Variants in OTOA observed in about 807,000 individuals in gnomAD.
OTOA encodes cancer/testis antigen 108.
Under a neutral mutation model 110.8 loss-of-function variants are expected in OTOA, and 70 were observed. The observed-to-expected ratio is 0.63, with a 90% CI of 0.52 to 0.77. The LOEUF (loss-of-function observed/expected upper bound fraction) is 0.77. OTOA is among the 30% of genes least tolerant of loss of function. The pLI, the probability that OTOA is intolerant of heterozygous loss-of-function variation, is 0.00. For missense variants in OTOA, 917 were observed against 1,075.8 expected, an observed-to-expected ratio of 0.85 and a Z score of 2.06; for synonymous variants, 373 against 431.5, an observed-to-expected ratio of 0.86 and a Z score of 1.68.
At chr16:21,680,318 C>T (rs2141654129) in intron 5 of OTOA, among the ~76,000 whole-genome samples, 1 of 152,070 alleles carries the variant, frequency 6.6e-6, no homozygotes, top group African/African-American at 2.4e-5. Context: ...TCGGGACCAG[C>T]CTGGCCAACA....
chr16:21,686,752 G>A (rs895344858), intron 7 of OTOA, among the ~76,000 whole-genome samples: 3 of 152,110 alleles, frequency 2.0e-5, no homozygotes, highest in African/African-American at 7.2e-5. Context: ...AAACAGCTGA[G>A]CATGGTGGTG....
intron 1 of OTOA, among the ~76,000 whole-genome samples, chr16:21,674,650 T>A (rs1423966681): frequency 2.0e-5 from 3 of 151,864 alleles, no homozygotes; most frequent in African/African-American, 7.2e-5. Context: ...TGGTTTTTTT[T>A]TTTTTATTTT....
intron 9 of OTOA, among the ~76,000 whole-genome samples, chr16:21,692,935 A>AG (rs1897861324): frequency 6.7e-6 from 1 of 149,852 alleles, no homozygotes; most frequent in Admixed American, 6.7e-5. Flanking sequence ...CTCAAAAAAA[A>AG]AAAAAAAAAA....
chr16:21,670,966 GC>G (rs1373272312), intron 1 of OTOA, among the ~76,000 whole-genome samples: 1 of 152,102 alleles, frequency 6.6e-6, no homozygotes, highest in Non-Finnish European at 1.5e-5. Flanking sequence ...GATGGCCCGG[GC>G]AGGAACCTTG....
At chr16:21,675,859 A>T (rs142604358) in intron 1 of OTOA, among the ~76,000 whole-genome samples, 38 of 152,056 alleles carry the variant, frequency 2.5e-4, no homozygotes, top group African/African-American at 9.2e-4. Context: ...TGTTCTATTG[A>T]TTGGATTTTT....
At chr16:21,715,811 C>A (rs1267568533) in intron 14 of OTOA, among the ~76,000 whole-genome samples, 1 of 151,800 alleles carries the variant, frequency 6.6e-6, no homozygotes, top group Non-Finnish European at 1.5e-5. Context: ...AGCCACTGTG[C>A]CTGGCCTAAA....
Position 21,664,171 on chromosome 16 carries a change from G to GGCCCCGCC in OTOA, c.-65_-58dup, listed in dbSNP as rs951448005. 1.3e-5 allele frequency: 2 copies of GGCCCCGCC among 152,204 alleles called. No homozygotes were observed. Among genetic ancestry groups the GGCCCCGCC allele is most frequent in the Non-Finnish European group, 2.9e-5 (2 of 68,068 alleles). 9.4% of individuals were successfully genotyped at this position (152,204 alleles called of 1,614,324 possible). ...TGCCCGCTCCCCGCATGAGCCCCGC[G>GGCCCCGCC]GCCCCGCCCTGCGCCACCCGCCCGC... On this transcript the variant is annotated 5_prime_UTR_variant, in exon 1 of 29. Coordinates refer to ENST00000646100, the MANE Select transcript of OTOA (RefSeq NM_144672.4).
Position 21,715,134 on chromosome 16 carries a change from G to A in OTOA, c.1470G>A (p.Gln490=). The A allele has an allele frequency of 6.2e-7, 1 of 1,614,192 alleles. No homozygotes were observed. Among genetic ancestry groups the A allele is most frequent in the Non-Finnish European group, 8.5e-7 (1 of 1,180,016 alleles). The change falls in exon 14 of 29, where the codon CAG becomes CAA. Residue 490 remains glutamine (Q), a synonymous_variant. Transcript: ENST00000646100. ...QYVSDLSPAQ[Q]QGILSKMVQA... ...TATCCGACTTGTCACCTGCCCAGCA[G>A]CAAGGTATCCTCAGCAAGGTGAGAG...
chr16:21,698,681 G>A (rs553471715), intron 10 of OTOA, among the ~76,000 whole-genome samples: 58 of 152,238 alleles, frequency 3.8e-4, no homozygotes, highest in African/African-American at 1.3e-3. Flanking sequence ...GGCAGAACGA[G>A]CTTTCTCTCT....
At chr16:21,690,384 C>T (rs1419171709) in intron 8 of OTOA, among the ~76,000 whole-genome samples, 4 of 151,864 alleles carry the variant, frequency 2.6e-5, no homozygotes, top group Non-Finnish European at 4.4e-5. Flanking sequence ...GTGTTGTTCC[C>T]CTCCCTGTGT....
Position 21,685,344 on chromosome 16 carries a change from G to T in OTOA, c.382G>T (p.Asp128Tyr). The T allele has an allele frequency of 1.2e-6, 2 of 1,612,172 alleles. No homozygotes were observed. Among genetic ancestry groups the T allele is most frequent in the South Asian group, 1.1e-5 (1 of 91,030 alleles). The part of the protein sequence containing the change: ...FRTAMKCLLE[D>Y]KKDGLDLKDI... Reference sequence around the variant, plus strand: ...CACTGCCATGAAATGCCTCTTAGAAGACAAGAAGGACGGCTTGGTGAGGAG... The same window carrying T: ...CACTGCCATGAAATGCCTCTTAGAATACAAGAAGGACGGCTTGGTGAGGAG... The change falls in exon 7 of 29, where the codon GAC (aspartate) becomes TAC (tyrosine). Residue 128 changes from aspartate to tyrosine, a missense_variant. Coordinates refer to ENST00000646100, the MANE Select transcript of OTOA (RefSeq NM_144672.4).
chr16:21,695,094 T>C (rs1409079081), intron 9 of OTOA, among the ~76,000 whole-genome samples: 2 of 152,178 alleles, frequency 1.3e-5, no homozygotes, highest in Non-Finnish European at 2.9e-5. Flanking sequence ...ATACTTTGGC[T>C]GTTAAAAATA....
At chr16:21,692,670 A>T (rs1395627121) in intron 9 of OTOA, among the ~76,000 whole-genome samples, 4 of 152,042 alleles carry the variant, frequency 2.6e-5, no homozygotes, top group Non-Finnish European at 5.9e-5. Context: ...GCTCATGCCT[A>T]CAATCCAGCA....
Position 21,719,510 on chromosome 16 carries a change from G to A in OTOA, c.1806+6G>A, listed in dbSNP as rs1307572257. On this transcript the variant is annotated splice_donor_region_variant and intron_variant, in intron 17 of 28. Transcript: ENST00000646100. ...CCCTGCTTTCACCCTATCAGGTACC[G>A]TTAAAGCATTTTCCAGCTTCTAATT... 1.6e-5 allele frequency: 25 copies of A among 1,611,594 alleles called. No individual in the cohort carries two copies. In the Admixed American group the frequency reaches 2.2e-4, roughly 14 times the overall value.
rs78375392 is a variant in OTOA, at chr16:21,709,754, G to T, written c.1105-134G>T. The T allele has an allele frequency of 1.9e-5, 15 of 798,998 alleles. No individual in the cohort carries two copies. In the South Asian group the frequency reaches 2.2e-4, roughly 12 times the overall value. The allele number at this position is 798,998 out of a possible 1,614,324, so 49.5% of individuals were successfully genotyped here. A position where few individuals can be genotyped will look rare whatever the true frequency, so the allele number is the denominator to read the frequency against. On this transcript the variant is annotated intron_variant, in intron 12 of 28. Coordinates refer to ENST00000646100, the MANE Select transcript of OTOA (RefSeq NM_144672.4). Reference sequence around the variant, plus strand: ...ATGGCAGGAGTCCCTTTCCTTCATCGTTTCTGAGCCCAAAAGCTTTGATGG... The same window carrying T: ...ATGGCAGGAGTCCCTTTCCTTCATCTTTTCTGAGCCCAAAAGCTTTGATGG...
intron 8 of OTOA, among the ~76,000 whole-genome samples, chr16:21,688,628 TG>T (rs963526730): frequency 1.3e-5 from 2 of 152,108 alleles, no homozygotes; most frequent in Non-Finnish European, 2.9e-5. Flanking sequence ...ACTTGGTGTC[TG>T]GTGAGGGCTC....
intron 8 of OTOA, among the ~76,000 whole-genome samples, 178 bp downstream of exon 8, chr16:21,687,826 G>A (rs940151025): frequency 4.0e-5 from 6 of 151,802 alleles, no homozygotes; most frequent in South Asian, 2.1e-4. Context: ...TACCACACCC[G>A]ACTAATTTTT....
intron 5 of OTOA, among the ~76,000 whole-genome samples, chr16:21,680,336 A>C (rs901980999): frequency 6.6e-6 from 1 of 151,952 alleles, no homozygotes; most frequent in African/African-American, 2.4e-5. Context: ...ACATAGTGAA[A>C]CCCTGTCCCT....
chr16:21,694,054 G>A (rs1897885332), intron 9 of OTOA, among the ~76,000 whole-genome samples: 1 of 152,162 alleles, frequency 6.6e-6, no homozygotes, highest in African/African-American at 2.4e-5. Context: ...CTGTGTCCCA[G>A]TAAAGCTTTA....
Sources: allele counts gnomAD v4.1 joint callset (sites outside exome capture counted in the v4.1 genomes callset), GRCh38; gene constraint gnomAD v4.1.1; transcripts MANE v1.5; gene names NCBI Gene and HGNC (gene_info 2026-07-23, HGNC 2026-07-21).